Variants in KCNH8 observed in about 807,000 individuals in gnomAD.
KCNH8 encodes the protein voltage-gated delayed rectifier potassium channel KCNH8.
KCNH8 carries 70 observed loss-of-function variants against 103.6 expected under a neutral mutation model. The ratio of observed to expected loss-of-function variants is 0.68; its 90% CI spans 0.56 to 0.82. KCNH8 has a LOEUF of 0.82. Among genes scored for constraint, KCNH8 ranks in the 40% least tolerant of loss-of-function variants. KCNH8 has a pLI of 0.00. For synonymous variants in KCNH8, 498 were observed against 489.4 expected (o/e 1.02, Z -0.23); for missense variants, 1,217 against 1,329.9 (o/e 0.92, Z 1.32).
At chr3:19,178,168 G>T (rs1411607530) in intron 1 of KCNH8, among the ~76,000 whole-genome samples, 1 of 151,760 alleles carries the variant, frequency 6.6e-6, no homozygotes, top group African/African-American at 2.4e-5. Flanking sequence ...TAGAATTGAG[G>T]CTTCTGAAAT....
chr3:19,337,061 G>A (rs781512899), intron 3 of KCNH8, among the ~76,000 whole-genome samples: 11 of 151,898 alleles, frequency 7.2e-5, no homozygotes, highest in South Asian at 2.1e-4. Context: ...TAAAAAAATC[G>A]GACAGGCTCA....
At chr3:19,493,279 G>C (rs973588138) in intron 11 of KCNH8, among the ~76,000 whole-genome samples, 5 of 151,928 alleles carry the variant, frequency 3.3e-5, no homozygotes, top group African/African-American at 7.3e-5. Flanking sequence ...GGGGAGAGTG[G>C]GCATCTTACA....
chr3:19,184,682 T>A (rs1417478327), intron 1 of KCNH8, among the ~76,000 whole-genome samples: 1 of 151,890 alleles, frequency 6.6e-6, no homozygotes, highest in African/African-American at 2.4e-5. Flanking sequence ...AAGGTAGTAT[T>A]TGGTATTTTT....
intron 11 of KCNH8, among the ~76,000 whole-genome samples, chr3:19,506,328 G>A (rs2068692420): frequency 6.6e-6 from 1 of 152,156 alleles, no homozygotes; most frequent in South Asian, 2.1e-4. Flanking sequence ...TAATCAGTAG[G>A]TTTCATTTCT....
At chr3:19,493,626 T>C (rs1167121230) in intron 11 of KCNH8, among the ~76,000 whole-genome samples, 2 of 152,142 alleles carry the variant, frequency 1.3e-5, no homozygotes, top group African/African-American at 2.4e-5. Context: ...AGTATCTTTA[T>C]AGCAGTGAGA....
At position 19,446,530 on chromosome 3, in the gene KCNH8, T is replaced by G. The variant is rs964242980; in HGVS notation, c.1376-3576T>G. 3.9e-5 allele frequency among the ~76,000 whole-genome samples: 6 copies of G among 152,060 alleles called. No individual in the cohort carries two copies. In the South Asian group the frequency reaches 8.3e-4, roughly 21 times the overall value. ...TAAGAAATTTTTCTCATCTCTATTC[T>G]TTCTGCCATCTGCCATCCACAAGCC... On this transcript the variant is annotated intron_variant, in intron 8 of 15. Coordinates refer to ENST00000328405, the MANE Select transcript of KCNH8 (RefSeq NM_144633.3).
chr3:19,344,760 A>C (rs1475608136), intron 4 of KCNH8, among the ~76,000 whole-genome samples: 2 of 152,112 alleles, frequency 1.3e-5, no homozygotes, highest in African/African-American at 4.8e-5. Flanking sequence ...TGCACACACA[A>C]AAAATAATTC....
At chr3:19,170,791 T>C (rs865931860) in intron 1 of KCNH8, among the ~76,000 whole-genome samples, 8,899 of 58,356 alleles carry the variant, frequency 0.15, 436 homozygotes, top group East Asian at 0.17. Context: ...CACACACACA[T>C]ATATATATAT....
chr3:19,337,399 AT>A (rs1559482091), intron 3 of KCNH8, among the ~76,000 whole-genome samples: 3 of 151,880 alleles, frequency 2.0e-5, no homozygotes, highest in African/African-American at 7.3e-5. Context: ...CATAACTTTA[AT>A]TTTTTTCCTG....
In KCNH8 at chr3:19,451,170, C is replaced by A; in HGVS notation, c.1591C>A (p.Pro531Thr). ...TCTCTGACAGCTTTTGAAAGACTTT[C>A]CAGATGAACTGCGTTCTGACATCAC... ...IDSNELLKDF[P>T]DELRSDITMH... Residue 531 changes from proline to threonine, a missense_variant, in exon 10 of 16, where the codon CCA becomes ACA. Pro to Thr is a conservative substitution (Grantham distance 38). Around this residue, in one of 3 missense-constraint regions of KCNH8, gnomAD observed 415 missense variants for 577.4 expected, o/e 0.72. Transcript: ENST00000328405. 2 of 1,613,734 alleles carry A rather than the reference C, an allele frequency of 1.2e-6. No individual in the cohort carries two copies. The highest frequency in any genetic ancestry group is 1.7e-6 in the Non-Finnish European group (2 of 1,179,704).
chr3:19,153,312 C>G (rs776994512), intron 1 of KCNH8, among the ~76,000 whole-genome samples: 1 of 152,220 alleles, frequency 6.6e-6, no homozygotes, highest in South Asian at 2.1e-4. Flanking sequence ...ATAATTTTGA[C>G]ATTATTATAT....
chr3:19,337,245 G>A (rs1015149341), intron 3 of KCNH8, among the ~76,000 whole-genome samples: 3 of 151,852 alleles, frequency 2.0e-5, no homozygotes, highest in Non-Finnish European at 4.4e-5. Flanking sequence ...TCAGTTAGTG[G>A]AAAAACTAAT....
Position 19,253,736 on chromosome 3 carries a change from T to A in KCNH8, c.159T>A (p.Ala53=). Residue 53 remains alanine (A), a synonymous_variant, in exon 2 of 16, where the codon GCT becomes GCA. Coordinates refer to ENST00000328405, the MANE Select transcript of KCNH8 (RefSeq NM_144633.3). ...GTTCCGATGGCTTCTGCGAGCTTGCTGGATTTGCCCGAACTGAAGTCATGC... is the reference window on the plus strand; with the variant it reads ...GTTCCGATGGCTTCTGCGAGCTTGCAGGATTTGCCCGAACTGAAGTCATGC... ...VYCSDGFCEL[A]GFARTEVMQK... The A allele has an allele frequency of 3.7e-6, 6 of 1,613,960 alleles. No homozygotes were observed. The highest frequency in any genetic ancestry group is 5.1e-6 in the Non-Finnish European group (6 of 1,179,944).
At chr3:19,191,868 A>AT (rs368474954) in intron 1 of KCNH8, among the ~76,000 whole-genome samples, 16 of 151,740 alleles carry the variant, frequency 1.1e-4, no homozygotes, top group African/African-American at 3.9e-4. Context: ...TGGTTGTATA[A>AT]TTTTTTGTTT....
intron 2 of KCNH8, among the ~76,000 whole-genome samples, chr3:19,274,866 CT>C (rs2064643316): frequency 2.2e-5 from 2 of 89,500 alleles, no homozygotes; most frequent in Non-Finnish European, 4.3e-5. Context: ...CTCCCCACCC[CT>C]CCCCTCCCCA....
intron 11 of KCNH8, among the ~76,000 whole-genome samples, chr3:19,486,906 CCA>C (rs1575127048): frequency 6.6e-6 from 1 of 152,228 alleles, no homozygotes; most frequent in East Asian, 1.9e-4. Flanking sequence ...ATAGTGAATC[CCA>C]GGTAGCATAC....
chr3:19,302,223 CATAAAT>C (rs1286961411), intron 3 of KCNH8, among the ~76,000 whole-genome samples: 2 of 152,040 alleles, frequency 1.3e-5, no homozygotes, highest in Non-Finnish European at 2.9e-5. Context: ...ACCTCATTAG[CATAAAT>C]ATAAATATGA....
In KCNH8 at chr3:19,264,319, A is replaced by G. The variant is rs531438869; in HGVS notation, c.310+10432A>G. On this transcript the variant is annotated intron_variant, in intron 2 of 15. Coordinates refer to ENST00000328405, the MANE Select transcript of KCNH8 (RefSeq NM_144633.3). Reference sequence around the variant, plus strand: ...AGTCTGCCTTGCCGTTTATCTTTCTATTTGCACATAAGCTTTGTATTTGTA... The same window carrying G: ...AGTCTGCCTTGCCGTTTATCTTTCTGTTTGCACATAAGCTTTGTATTTGTA... Among the ~76,000 whole-genome samples the G allele has an allele frequency of 3.9e-5, 6 of 152,136 alleles. No individual in the cohort carries two copies. The South Asian group carries it at 1.2e-3, about 32-fold the overall frequency.
intron 5 of KCNH8, among the ~76,000 whole-genome samples, chr3:19,375,831 G>A (rs376561160): frequency 1.9e-4 from 29 of 152,052 alleles, no homozygotes; most frequent in South Asian, 4.2e-4. Context: ...AACAGACAGG[G>A]CCCTCAGCTG....
Sources: gnomAD v4.1 joint callset for allele counts (sites outside exome capture counted in the v4.1 genomes callset) on GRCh38, gnomAD v4.1.1 for gene constraint, gnomAD v4.1.1 regional missense constraint, MANE v1.5 for transcripts, NCBI Gene and HGNC (gene_info 2026-07-23, HGNC 2026-07-21) for gene names.